The following ANO3 variants were observed in gnomAD, a reference collection of about 807,000 sequenced individuals.
ANO3 encodes the protein anoctamin 3.
In ANO3, 99 loss-of-function variants were observed where a neutral mutation model predicts 144.8. That is an observed-to-expected ratio of 0.68 (90% CI 0.58 to 0.81). ANO3 has a LOEUF of 0.81. ANO3 is among the 30% of genes least tolerant of loss of function. The pLI is 0.00. For synonymous variants in ANO3, 414 were observed against 392.6 expected (o/e 1.05, Z -0.64); for missense variants, 905 against 1,202.2 (o/e 0.75, Z 3.66).
intron 5 of ANO3, among the ~76,000 whole-genome samples, chr11:26,514,849 C>G (rs928249063): frequency 1.3e-5 from 2 of 152,028 alleles, no homozygotes; most frequent in Non-Finnish European, 2.9e-5. Context: ...AAAAGTTTTT[C>G]TCATCTTTAT....
At chr11:26,484,543 G>A (rs1325307286) in intron 4 of ANO3, among the ~76,000 whole-genome samples, 1 of 152,176 alleles carries the variant, frequency 6.6e-6, no homozygotes. Context: ...GGATGTCCAG[G>A]CAGAAGTCTG....
intron 1 of ANO3, among the ~76,000 whole-genome samples, chr11:26,419,111 G>T (rs1041335720): frequency 3.3e-5 from 5 of 152,088 alleles, no homozygotes; most frequent in African/African-American, 9.7e-5. Context: ...TTACAATCAT[G>T]GCAGAAGGCA....
At chr11:26,655,816 T>TA (rs1465076849) in intron 24 of ANO3, among the ~76,000 whole-genome samples, 1 of 152,152 alleles carries the variant, frequency 6.6e-6, no homozygotes, top group Non-Finnish European at 1.5e-5. Flanking sequence ...TTATAAAACA[T>TA]ATTTTATAGA....
At chr11:26,583,909 C>T (rs1851203267) in intron 14 of ANO3, among the ~76,000 whole-genome samples, 1 of 152,178 alleles carries the variant, frequency 6.6e-6, no homozygotes, top group African/African-American at 2.4e-5. Context: ...TTTAACTGTT[C>T]TGATGAAAAC....
chr11:26,280,265 C>T (rs192476567), intron 1 of ANO3, among the ~76,000 whole-genome samples: 1 of 152,028 alleles, frequency 6.6e-6, no homozygotes, highest in Non-Finnish European at 1.5e-5. Flanking sequence ...TCACATCTAC[C>T]CCGCTAGCCT....
At chr11:26,464,276 C>T (rs1435972763) in intron 4 of ANO3, among the ~76,000 whole-genome samples, 1 of 151,722 alleles carries the variant, frequency 6.6e-6, no homozygotes, top group African/African-American at 2.4e-5. Context: ...CTTTGCAAAT[C>T]AGGTGTTTAT....
At chr11:26,243,747 G>T (rs1307628121) in intron 1 of ANO3, among the ~76,000 whole-genome samples, 2 of 152,048 alleles carry the variant, frequency 1.3e-5, no homozygotes, top group East Asian at 3.9e-4. Context: ...GCTTCTTTGG[G>T]TTTTTTAATA....
intron 14 of ANO3, among the ~76,000 whole-genome samples, chr11:26,576,064 T>C (rs1383179292): frequency 6.6e-6 from 1 of 152,206 alleles, no homozygotes; most frequent in African/African-American, 2.4e-5. Context: ...TTATTCAGTG[T>C]TAGCACTCTG....
At chr11:26,523,144 A>T (rs1862152154) in intron 6 of ANO3, among the ~76,000 whole-genome samples, 1 of 152,152 alleles carries the variant, frequency 6.6e-6, no homozygotes, top group South Asian at 2.1e-4. Context: ...AACACTTATA[A>T]AACCCTCAGA....
intron 3 of ANO3, among the ~76,000 whole-genome samples, chr11:26,454,703 G>T (rs1284983975): frequency 6.6e-6 from 1 of 151,980 alleles, no homozygotes; most frequent in Admixed American, 6.6e-5. Flanking sequence ...TAGAAAAAGA[G>T]GGAATCCTCC....
At position 26,282,341 on chromosome 11, in the gene ANO3, A is replaced by G. The variant is rs138466800; in HGVS notation, c.155-27304A>G. ...TTTTTTGTAATAGATTATCTGATTCATGTGTCTGAATTTATCTCTTATTGT... is the reference window on the plus strand; with the variant it reads ...TTTTTTGTAATAGATTATCTGATTCGTGTGTCTGAATTTATCTCTTATTGT... On this transcript the variant is annotated intron_variant, in intron 1 of 27. Coordinates refer to the ANO3 transcript ENST00000672621. Among the ~76,000 whole-genome samples, 9 of 151,254 alleles carry G rather than the reference A, an allele frequency of 6.0e-5. No individual in the cohort carries two copies. The East Asian group carries it at 1.5e-3, about 26-fold the overall frequency.
chr11:26,392,253 T>TTC (rs1362599457), intron 1 of ANO3, among the ~76,000 whole-genome samples: 2 of 151,834 alleles, frequency 1.3e-5, no homozygotes, highest in Non-Finnish European at 2.9e-5. Flanking sequence ...TTTTTTTTTT[T>TTC]TTTAAGAATA....
chr11:26,274,084 G>A (rs1016427657), intron 1 of ANO3, among the ~76,000 whole-genome samples: 2 of 152,126 alleles, frequency 1.3e-5, no homozygotes, highest in Non-Finnish European at 2.9e-5. Context: ...TTGAAAAGAG[G>A]CAGAGAGTGA....
intron 18 of ANO3, among the ~76,000 whole-genome samples, chr11:26,626,506 G>A (rs538284740): frequency 6.6e-6 from 1 of 152,286 alleles, no homozygotes; most frequent in East Asian, 1.9e-4. Flanking sequence ...TGAGTCACTG[G>A]TTGGTTGTTG....
chr11:26,279,813 GTTTTA>G (rs1853639825), intron 1 of ANO3, among the ~76,000 whole-genome samples: 1 of 152,132 alleles, frequency 6.6e-6, no homozygotes, highest in Non-Finnish European at 1.5e-5. Context: ...ATTGTAGGCT[GTTTTA>G]TTTTAAGATT....
chr11:26,290,660 A>G (rs1242283392), intron 1 of ANO3, among the ~76,000 whole-genome samples: 3 of 152,060 alleles, frequency 2.0e-5, no homozygotes, highest in Non-Finnish European at 4.4e-5. Flanking sequence ...CCTTCAATTC[A>G]TTATTTACCC....
At chr11:26,262,597 C>A (rs1476008618) in intron 1 of ANO3, among the ~76,000 whole-genome samples, 5 of 152,026 alleles carry the variant, frequency 3.3e-5, no homozygotes, top group African/African-American at 9.7e-5. Flanking sequence ...TCAACCCAAA[C>A]TTTATATGTT....
rs555760320 is a variant in ANO3 at position 26,542,116 on chromosome 11, T to C, written c.1154+48T>C. On this transcript the variant is annotated intron_variant, in intron 11 of 26. Transcript: ENST00000256737. The stretch of plus-strand genomic sequence containing the variant: ...GAAAAGCAAAGTATTCTGTTTTGTG[T>C]CATTGTCTTAGACTTGGAATTATTT... The C allele has an allele frequency of 7.0e-6, 11 of 1,580,818 alleles. No individual in the cohort carries two copies. The South Asian group carries it at 1.3e-4, about 18-fold the overall frequency.
At chr11:26,565,057 G>A in intron 14 of ANO3, 1 of 1,110,000 alleles carries the variant, frequency 9.0e-7, no homozygotes, top group Non-Finnish European at 1.2e-6. Flanking sequence ...CCATGCTATT[G>A]TGTTCTCTTC....
Sources: allele counts gnomAD v4.1 joint callset (sites outside exome capture counted in the v4.1 genomes callset), GRCh38; gene constraint gnomAD v4.1.1; transcripts MANE v1.5; gene names NCBI Gene and HGNC (gene_info 2026-07-23, HGNC 2026-07-21).